The following C5orf52 variants were observed in gnomAD, a reference collection of about 807,000 sequenced individuals.
C5orf52 encodes the protein uncharacterized protein C5orf52.
A neutral mutation model predicts 16.8 loss-of-function variants in C5orf52; 15 were observed. That is an observed-to-expected ratio of 0.89 (90% CI 0.60 to 1.38). C5orf52 has a LOEUF of 1.38. Ranked by LOEUF, C5orf52 falls within the 40% of genes most tolerant of loss-of-function variation. C5orf52 has a pLI of 0.00. For missense variants in C5orf52, 206 were observed against 213.1 expected (o/e 0.97, Z 0.21); for synonymous variants, 83 against 87.2 (o/e 0.95, Z 0.27).
chr5:157,671,539 C>A lies in C5orf52; in HGVS notation c.-76C>A. On this transcript the variant is annotated 5_prime_UTR_variant, in exon 1 of 3. Coordinates refer to ENST00000409999, the MANE Select transcript of C5orf52 (RefSeq NM_001145132.2). ...GGGCTCCGCCCAGGGACTCACTCCG[C>A]GTCAGCGCGCGCCCACCTAGGTGGG... The A allele has an allele frequency of 7.8e-7, 1 of 1,282,222 alleles. No homozygotes were observed. The highest frequency in any genetic ancestry group is 1.1e-6 in the Non-Finnish European group (1 of 929,848). The allele number at this position is 1,282,222 out of a possible 1,614,324, so 79.4% of individuals were successfully genotyped here.
intron 2 of C5orf52, among the ~76,000 whole-genome samples, chr5:157,679,461 C>G (rs541276830): frequency 6.6e-6 from 1 of 152,074 alleles, no homozygotes; most frequent in Non-Finnish European, 1.5e-5. Context: ...CTCAGCCTCC[C>G]GAGTAGCTGG....
chr5:157,672,881 C>T (rs1759824316), intron 1 of C5orf52, among the ~76,000 whole-genome samples: 1 of 151,560 alleles, frequency 6.6e-6, no homozygotes, highest in Non-Finnish European at 1.5e-5. Flanking sequence ...GTCTGGAACT[C>T]CTGACCTCAG....
rs540586017 is a variant in C5orf52, at chr5:157,675,077, C to T, written c.213-15C>T. The T allele has an allele frequency of 6.5e-6, 10 of 1,529,268 alleles. No individual in the cohort carries two copies. The South Asian group carries it at 8.4e-5, about 13-fold the overall frequency. 94.7% of individuals were successfully genotyped at this position (1,529,268 alleles called of 1,614,324 possible). On this transcript the variant is annotated splice_polypyrimidine_tract_variant and intron_variant, in intron 1 of 2. Coordinates refer to ENST00000409999, the MANE Select transcript of C5orf52 (RefSeq NM_001145132.2). ...ACCGTCTGTAACCTGTGCCACCTTT[C>T]CCTCCCTGCTCCAGCTTAATGAATT... is the stretch of plus-strand genomic sequence containing the variant.
chr5:157,672,978 C>A (rs1218654538), intron 1 of C5orf52, among the ~76,000 whole-genome samples: 2 of 151,660 alleles, frequency 1.3e-5, no homozygotes, highest in Non-Finnish European at 2.9e-5. Context: ...AAATTCTAGT[C>A]CTTCAAAATG....
chr5:157,680,064 G>A lies in C5orf52; in HGVS notation c.*65G>A, dbSNP rs565740149. On this transcript the variant is annotated 3_prime_UTR_variant, in exon 3 of 3. Coordinates refer to ENST00000409999, the MANE Select transcript of C5orf52 (RefSeq NM_001145132.2). ...GCAAAGGGATCTGCCCCAGGGTCACGATGACACCAGTGTGACCCGAGGAGA... is the reference window on the plus strand; with the variant it reads ...GCAAAGGGATCTGCCCCAGGGTCACAATGACACCAGTGTGACCCGAGGAGA... 1.4e-5 allele frequency: 20 copies of A among 1,445,226 alleles called. No homozygotes were observed. Among genetic ancestry groups the A allele is most frequent in the Admixed American group, 2.3e-5 (1 of 43,970 alleles). The allele number at this position is 1,445,226 out of a possible 1,614,324, so 89.5% of individuals were successfully genotyped here.
Position 157,671,665 on chromosome 5 carries a change from G to C in C5orf52, c.51G>C (p.Thr17=), listed in dbSNP as rs1235374369. Residue 17 remains threonine (T), a synonymous_variant, in exon 1 of 3, where the codon ACG becomes ACC. Coordinates refer to ENST00000409999, the MANE Select transcript of C5orf52 (RefSeq NM_001145132.2). ...TCACCTGTGACCAGGGATCCTCCAC[G>C]ATCGGCGGGACCGCCGCCCAGGCGA... ...PSVTCDQGSS[T]IGGTAAQATT... is the part of the protein sequence containing the mutation. 1 of 1,551,256 alleles carries C rather than the reference G, an allele frequency of 6.4e-7. No individual in the cohort carries two copies. The highest frequency in any genetic ancestry group is 8.7e-7 in the Non-Finnish European group (1 of 1,146,844).
chr5:157,678,131 G>A (rs1378749657), intron 2 of C5orf52, among the ~76,000 whole-genome samples: 1 of 152,208 alleles, frequency 6.6e-6, no homozygotes, highest in Non-Finnish European at 1.5e-5. Flanking sequence ...TGGGGCCTAC[G>A]TTTCTATCAA....
chr5:157,673,127 C>T (rs1226438574), intron 1 of C5orf52, among the ~76,000 whole-genome samples: 3 of 151,862 alleles, frequency 2.0e-5, no homozygotes, highest in Non-Finnish European at 2.9e-5. Flanking sequence ...CGCCTGAGCT[C>T]AGGAGTTCGA....
At chr5:157,676,503 A>G (rs1454301531) in intron 2 of C5orf52, among the ~76,000 whole-genome samples, 3 of 152,222 alleles carry the variant, frequency 2.0e-5, no homozygotes, top group Non-Finnish European at 4.4e-5. Context: ...CTTGAAGGTC[A>G]CAAACACCAA....
chr5:157,679,546 A>T (rs1413067832), intron 2 of C5orf52, among the ~76,000 whole-genome samples: 1 of 152,182 alleles, frequency 6.6e-6, no homozygotes, highest in African/African-American at 2.4e-5. Flanking sequence ...CTTGTTGGCC[A>T]GGCTGCTCTC....
chr5:157,679,800 T>C, intron 2 of C5orf52, 41 bp from the exon 3 acceptor site: 1 of 1,520,280 alleles, frequency 6.6e-7, no homozygotes, highest in Non-Finnish European at 8.8e-7. Context: ...ATCTCACCTC[T>C]TTAGGATCTT....
chr5:157,674,187 C>T (rs1759853909), intron 1 of C5orf52, among the ~76,000 whole-genome samples: 4 of 151,894 alleles, frequency 2.6e-5, no homozygotes, highest in African/African-American at 9.7e-5. Flanking sequence ...CCCCTAGCCA[C>T]CCCATACCTC....
chr5:157,671,673 G>T lies in C5orf52; in HGVS notation c.59G>T (p.Gly20Val). The change falls in exon 1 of 3, where the codon GGG becomes GTG. Residue 20 changes from glycine to valine, a missense_variant. Coordinates refer to ENST00000409999, the MANE Select transcript of C5orf52 (RefSeq NM_001145132.2). ...GACCAGGGATCCTCCACGATCGGCG[G>T]GACCGCCGCCCAGGCGACCACCAGT... ...TCDQGSSTIG[G>V]TAAQATTSSS... 1.3e-6 allele frequency: 2 copies of T among 1,551,232 alleles called. No homozygotes were observed. Among genetic ancestry groups the T allele is most frequent in the Non-Finnish European group, 1.7e-6 (2 of 1,146,846 alleles).
At chr5:157,674,077 C>T (rs992355332) in intron 1 of C5orf52, among the ~76,000 whole-genome samples, 1 of 152,186 alleles carries the variant, frequency 6.6e-6, no homozygotes, top group Non-Finnish European at 1.5e-5. Context: ...ACCATTTTCT[C>T]ATTTTGACCA....
chr5:157,671,255 C>T (rs1306911256), upstream of C5orf52: 1 of 258,050 alleles, frequency 3.9e-6, no homozygotes, highest in African/African-American at 2.2e-5. Flanking sequence ...CTGGCTCAAC[C>T]CGTTACCCGC....
chr5:157,676,866 T>C (rs996948379), intron 2 of C5orf52, among the ~76,000 whole-genome samples: 16 of 88,456 alleles, frequency 1.8e-4, no homozygotes, highest in African/African-American at 2.6e-4. Flanking sequence ...ATTTCCTTTT[T>C]TTTTCTTTTT....
intron 2 of C5orf52, among the ~76,000 whole-genome samples, chr5:157,679,100 C>T (rs1368968972): frequency 1.3e-5 from 2 of 151,192 alleles, no homozygotes; most frequent in African/African-American, 4.9e-5. Context: ...CGCCACTGCA[C>T]TCCAGCCTGG....
intron 1 of C5orf52, among the ~76,000 whole-genome samples, chr5:157,673,057 G>T (rs1581414791): frequency 6.6e-6 from 1 of 151,594 alleles, no homozygotes; most frequent in Non-Finnish European, 1.5e-5. Flanking sequence ...GATAAATAAG[G>T]CCAGGTGCAG....
chr5:157,673,492 C>T (rs1759835528), intron 1 of C5orf52, among the ~76,000 whole-genome samples: 1 of 152,188 alleles, frequency 6.6e-6, no homozygotes, highest in Non-Finnish European at 1.5e-5. Context: ...CAATACATCA[C>T]AAAAAGTTCA....
Sources: gnomAD v4.1 joint callset for allele counts (sites outside exome capture counted in the v4.1 genomes callset) on GRCh38, gnomAD v4.1.1 for gene constraint, MANE v1.5 for transcripts, NCBI Gene and HGNC (gene_info 2026-07-23, HGNC 2026-07-21) for gene names.